Variants in CNTNAP5 observed in about 807,000 individuals in gnomAD.
CNTNAP5 encodes contactin associated protein family member 5.
In CNTNAP5, 72 loss-of-function variants were observed where a neutral mutation model predicts 150.2. The ratio of observed to expected loss-of-function variants is 0.48; its 90% CI spans 0.40 to 0.58. The LOEUF (loss-of-function observed/expected upper bound fraction) is 0.58. CNTNAP5 is among the 20% of genes least tolerant of loss of function. CNTNAP5 has a pLI of 0.00. For synonymous variants in CNTNAP5, 672 were observed against 619.8 expected (o/e 1.08, Z -1.25); for missense variants, 1,636 against 1,626.2 (o/e 1.01, Z -0.10).
chr2:124,491,453 G>GGAGA (rs3980966), intron 7 of CNTNAP5, among the ~76,000 whole-genome samples: 126,292 of 150,550 alleles, frequency 0.84, 53,048 homozygotes, highest in East Asian at 0.99. Context: ...ACACACATAT[G>GGAGA]GAGAGAGAGA....
intron 3 of CNTNAP5, among the ~76,000 whole-genome samples, chr2:124,408,982 C>G (rs199840859): frequency 0.33 from 46,566 of 140,824 alleles, 8,218 homozygotes; most frequent in African/African-American, 0.52. Context: ...AAGTTGAAAA[C>G]TTTGAAAAAA....
At chr2:124,748,239 A>G (rs1328028968) in intron 14 of CNTNAP5, among the ~76,000 whole-genome samples, 4 of 152,154 alleles carry the variant, frequency 2.6e-5, no homozygotes, top group African/African-American at 9.7e-5. Context: ...AGTAGTATCT[A>G]TTGCAGAGAT....
chr2:124,601,704 T>C (rs1174578144), intron 11 of CNTNAP5, among the ~76,000 whole-genome samples: 1 of 151,828 alleles, frequency 6.6e-6, no homozygotes, highest in Non-Finnish European at 1.5e-5. Flanking sequence ...AAAAAACCAA[T>C]CTTCTATAAT....
intron 11 of CNTNAP5, among the ~76,000 whole-genome samples, chr2:124,606,259 GA>G (rs1215052338): frequency 6.6e-6 from 1 of 152,028 alleles, no homozygotes; most frequent in African/African-American, 2.4e-5. Context: ...TATACAACTA[GA>G]CTGGATGGAT....
chr2:124,823,940 C>G (rs1387210688), intron 19 of CNTNAP5, among the ~76,000 whole-genome samples: 1 of 143,804 alleles, frequency 7.0e-6, no homozygotes, highest in Non-Finnish European at 1.5e-5. Flanking sequence ...TTTTTTGAGA[C>G]GGAGTTTTAC....
At chr2:124,624,140 C>A (rs1393967224) in intron 12 of CNTNAP5, among the ~76,000 whole-genome samples, 1 of 152,142 alleles carries the variant, frequency 6.6e-6, no homozygotes, top group Non-Finnish European at 1.5e-5. Context: ...GGACTAGTGG[C>A]AGAAGGCATA....
intron 19 of CNTNAP5, among the ~76,000 whole-genome samples, chr2:124,799,946 A>G (rs1681930990): frequency 6.6e-6 from 1 of 152,212 alleles, no homozygotes; most frequent in African/African-American, 2.4e-5. Context: ...ACTATGGGTA[A>G]TTAGATCTGT....
At chr2:124,839,831 G>A (rs1359186338) in intron 19 of CNTNAP5, among the ~76,000 whole-genome samples, 4 of 152,006 alleles carry the variant, frequency 2.6e-5, no homozygotes, top group Non-Finnish European at 5.9e-5. Context: ...AATTGTGAAG[G>A]GCTTCTTGGA....
At chr2:124,291,978 C>T (rs1254337057) in intron 3 of CNTNAP5, among the ~76,000 whole-genome samples, 12 of 152,036 alleles carry the variant, frequency 7.9e-5, no homozygotes, top group African/African-American at 2.9e-4. Flanking sequence ...AAAATTGACT[C>T]ATAAAATAAT....
At chr2:124,438,744 T>C (rs1348865149) in intron 5 of CNTNAP5, among the ~76,000 whole-genome samples, 1 of 152,250 alleles carries the variant, frequency 6.6e-6, no homozygotes, top group East Asian at 1.9e-4. Context: ...GGAATGTTTA[T>C]CATGTTTCTC....
chr2:124,817,012 G>A (rs891403135), intron 19 of CNTNAP5, among the ~76,000 whole-genome samples: 1 of 152,074 alleles, frequency 6.6e-6, no homozygotes, highest in Admixed American at 6.5e-5. Context: ...GGCCACCCTA[G>A]GGTGTTTCTC....
chr2:124,745,495 CCATGCTCCAAATAAGCCTGCCAGT>C (rs1680585677), intron 13 of CNTNAP5, among the ~76,000 whole-genome samples: 1 of 152,166 alleles, frequency 6.6e-6, no homozygotes, highest in Non-Finnish European at 1.5e-5. Flanking sequence ...TGAATGTGCT[CCATGCTCCAAATAAGCCTGCCAGT>C]CCTCTAGGCC....
At chr2:124,804,680 C>T (rs1167391029) in intron 19 of CNTNAP5, among the ~76,000 whole-genome samples, 2 of 152,094 alleles carry the variant, frequency 1.3e-5, no homozygotes, top group African/African-American at 4.8e-5. Flanking sequence ...AAAGAGCCCT[C>T]AACAGGGACC....
intron 3 of CNTNAP5, among the ~76,000 whole-genome samples, chr2:124,333,670 T>C (rs1278077991): frequency 6.6e-6 from 1 of 152,130 alleles, no homozygotes; most frequent in African/African-American, 2.4e-5. Context: ...TTTTGTTAGA[T>C]AGATGGTTTT....
intron 1 of CNTNAP5, among the ~76,000 whole-genome samples, chr2:124,112,645 G>T (rs758957671): frequency 7.9e-5 from 12 of 152,018 alleles, no homozygotes; most frequent in South Asian, 2.1e-4. Context: ...GTGATTGCTT[G>T]TGTAGGCACC....
intron 7 of CNTNAP5, among the ~76,000 whole-genome samples, chr2:124,478,056 T>C (rs1456508606): frequency 1.3e-5 from 2 of 151,970 alleles, no homozygotes; most frequent in Admixed American, 1.3e-4. Context: ...TCTTTATACA[T>C]ATTATGTGTT....
chr2:124,881,377 G>A (rs1677961177), intron 21 of CNTNAP5, among the ~76,000 whole-genome samples: 1 of 152,050 alleles, frequency 6.6e-6, no homozygotes, highest in Non-Finnish European at 1.5e-5. Flanking sequence ...AGTACCCAGG[G>A]AAGGAATGGA....
intron 19 of CNTNAP5, among the ~76,000 whole-genome samples, chr2:124,845,052 TTC>T (rs1014733393): frequency 6.6e-6 from 1 of 152,162 alleles, no homozygotes; most frequent in African/African-American, 2.4e-5. Context: ...CCTTGTCTTG[TTC>T]CAGTTCTCAG....
chr2:124,804,950 A>C (rs956964136), intron 19 of CNTNAP5, among the ~76,000 whole-genome samples: 1 of 152,156 alleles, frequency 6.6e-6, no homozygotes, highest in African/African-American at 2.4e-5. Context: ...CAGAGCATGA[A>C]TGTGAAGGCT....
Sources: allele counts gnomAD v4.1 joint callset (sites outside exome capture counted in the v4.1 genomes callset), GRCh38; gene constraint gnomAD v4.1.1; transcripts MANE v1.5; gene names NCBI Gene and HGNC (gene_info 2026-07-23, HGNC 2026-07-21).